Variants in CACNA1D observed in about 807,000 individuals in gnomAD.
The protein encoded by CACNA1D is calcium voltage-gated channel subunit alpha1 D.
CACNA1D carries 55 observed loss-of-function variants against 257.1 expected under a neutral mutation model. The ratio of observed to expected loss-of-function variants is 0.21; its 90% CI spans 0.17 to 0.27. CACNA1D has a LOEUF of 0.27. Among genes scored for constraint, CACNA1D ranks in the 10% least tolerant of loss-of-function variants. CACNA1D has a pLI of 1.00. For missense variants in CACNA1D, 1,876 were observed against 2,784.0 expected, an observed-to-expected ratio of 0.67 and a Z score of 7.34; for synonymous variants, 980 against 1,014.9, an observed-to-expected ratio of 0.97 and a Z score of 0.65.
At position 53,793,043 on chromosome 3, in the gene CACNA1D, C is replaced by G. The variant is rs1267203823; in HGVS notation, c.4923+6091C>G. On this transcript the variant is annotated intron_variant, in intron 40 of 47. Coordinates refer to ENST00000350061, the MANE Select transcript of CACNA1D (RefSeq NM_001128840.3). The surrounding 1 kb of genome is among the most constrained non-coding windows in gnomAD (Gnocchi z 4.1). ...GGGATGGGGTAGAAAGCCAGGAACA[C>G]TCCAGTGTGGCCAGGCCACTTGTCA... 6.6e-6 allele frequency among the ~76,000 whole-genome samples: 1 copy of G among 152,204 alleles called. No individual in the cohort carries two copies. The highest frequency in any genetic ancestry group is 1.5e-5 in the Non-Finnish European group (1 of 68,032).
intron 10 of CACNA1D, chr3:53,718,601 C>CCCCCCCCA (rs2108684193): frequency 1.7e-5 from 19 of 1,103,094 alleles, no homozygotes; most frequent in Non-Finnish European, 2.3e-5. Flanking sequence ...CCCCCCGGCC[C>CCCCCCCCA]AGCATTTCAC....
In CACNA1D at chr3:53,673,088, A is replaced by G; in HGVS notation, c.1182A>G (p.Ser394=). The change falls in exon 8 of 48, where the codon TCA becomes TCG. Residue 394 remains serine, a synonymous_variant. Transcript: ENST00000350061. The surrounding 1 kb of genome is among the most constrained non-coding windows in gnomAD (Gnocchi z 4.1). Reference sequence around the variant, plus strand: ...TTGTCAGTCTCGTCATCTTTGGGTCATTTTTCGTACTAAATCTTGTACTTG... The same window carrying G: ...TTGTCAGTCTCGTCATCTTTGGGTCGTTTTTCGTACTAAATCTTGTACTTG... ...VYFVSLVIFG[S]FFVLNLVLGV... 7 of 1,552,182 alleles carry G rather than the reference A, an allele frequency of 4.5e-6. No individual in the cohort carries two copies. The highest frequency in any genetic ancestry group is 6.1e-6 in the Non-Finnish European group (7 of 1,147,186).
chr3:53,729,602 A>G (rs1283391728), intron 15 of CACNA1D, among the ~76,000 whole-genome samples: 1 of 152,242 alleles, frequency 6.6e-6, no homozygotes, highest in Non-Finnish European at 1.5e-5. Flanking sequence ...TCTTGTTCAG[A>G]ATACTTGTTA....
In CACNA1D at chr3:53,769,966, C is replaced by A. The variant is rs747983837; in HGVS notation, c.3871-7C>A. ...TTAATCCATTTTCAATCTTTGATTT[C>A]TTAAAGCCAACTGAAAGTGAAAATG... On this transcript the variant is annotated splice_region_variant and splice_polypyrimidine_tract_variant and intron_variant, in intron 30 of 47. Transcript: ENST00000350061. 1.2e-6 allele frequency: 2 copies of A among 1,610,010 alleles called. No individual in the cohort carries two copies. The highest frequency in any genetic ancestry group is 1.7e-6 in the Non-Finnish European group (2 of 1,176,218).
intron 3 of CACNA1D, among the ~76,000 whole-genome samples, chr3:53,591,780 A>G (rs2107810109): frequency 6.6e-6 from 1 of 152,342 alleles, no homozygotes; most frequent in East Asian, 1.9e-4. Context: ...GGCCTTCAGG[A>G]AAAGCTTGTT....
At chr3:53,509,530 G>T (rs906732993) in intron 3 of CACNA1D, among the ~76,000 whole-genome samples, 1 of 152,178 alleles carries the variant, frequency 6.6e-6, no homozygotes, top group African/African-American at 2.4e-5. Context: ...GGTAGTTTTA[G>T]AAATCACAGG....
At chr3:53,615,461 A>T (rs1027192230) in intron 3 of CACNA1D, among the ~76,000 whole-genome samples, 2 of 152,222 alleles carry the variant, frequency 1.3e-5, no homozygotes, top group African/African-American at 4.8e-5. Flanking sequence ...GTTTGGTGAC[A>T]TAATGGGACC....
At chr3:53,787,130 T>A (rs1374072809) in intron 40 of CACNA1D, among the ~76,000 whole-genome samples, 178 bp downstream of exon 40, 1 of 151,990 alleles carries the variant, frequency 6.6e-6, no homozygotes, top group Non-Finnish European at 1.5e-5. Context: ...GGTAAGTGCT[T>A]CCCTCCCCGA....
chr3:53,651,361 A>ATTTTTTTTTT (rs1576235107), intron 4 of CACNA1D, among the ~76,000 whole-genome samples: 16 of 57,138 alleles, frequency 2.8e-4, no homozygotes, highest in African/African-American at 5.5e-4. Context: ...AAAGCTATTA[A>ATTTTTTTTTT]TTTTCTTTTT....
rs2093765601 is a variant in CACNA1D, at chr3:53,626,890, A to T, written c.484-23889A>T. Among the ~76,000 whole-genome samples, 3 of 152,176 alleles carry T rather than the reference A, an allele frequency of 2.0e-5. No homozygotes were observed. In the South Asian group the frequency reaches 6.2e-4, roughly 32 times the overall value. ...CAGTTAACGAAACGTCAGTGTTTTCATCTGATTTAAGACTCCTTCTTGCTC... is the reference window on the plus strand; with the variant it reads ...CAGTTAACGAAACGTCAGTGTTTTCTTCTGATTTAAGACTCCTTCTTGCTC... On this transcript the variant is annotated intron_variant, in intron 3 of 47. Transcript: ENST00000350061.
Position 53,673,058 on chromosome 3 carries a change from G to A in CACNA1D, c.1152G>A (p.Val384=). Residue 384 remains valine (V), a synonymous_variant, in exon 8 of 48, where the codon GTG becomes GTA. Coordinates refer to ENST00000350061, the MANE Select transcript of CACNA1D (RefSeq NM_001128840.3). The surrounding 1 kb of genome is among the most constrained non-coding windows in gnomAD (Gnocchi z 4.1). The part of the protein sequence containing the change: ...NDAMGFELPW[V]YFVSLVIFGS... ...CTATGGGATTTGAATTGCCCTGGGTGTATTTTGTCAGTCTCGTCATCTTTG... is the reference window on the plus strand; with the variant it reads ...CTATGGGATTTGAATTGCCCTGGGTATATTTTGTCAGTCTCGTCATCTTTG... 1.3e-6 allele frequency: 2 copies of A among 1,552,200 alleles called. No individual in the cohort carries two copies. Among genetic ancestry groups the A allele is most frequent in the South Asian group, 1.2e-5 (1 of 84,080 alleles).
rs574248949 is a variant in CACNA1D, at chr3:53,810,306, C to T, written c.6192+8C>T. 1.5e-5 allele frequency: 25 copies of T among 1,612,970 alleles called. No individual in the cohort carries two copies. The highest frequency in any genetic ancestry group is 1.6e-4 in the Middle Eastern group (1 of 6,062). On this transcript the variant is annotated splice_region_variant and intron_variant, in intron 47 of 47. Coordinates refer to ENST00000350061, the MANE Select transcript of CACNA1D (RefSeq NM_001128840.3). The stretch of plus-strand genomic sequence containing the variant: ...GACAGCTTGGTGGAGGCAGTGAGTA[C>T]GGTTCTTGGCCGTGGTGGGCAGGAA...
chr3:53,749,573 G>C (rs2095206356), intron 27 of CACNA1D, 104 bp downstream of exon 27: 13 of 806,604 alleles, frequency 1.6e-5, no homozygotes, highest in Admixed American at 3.7e-5. Flanking sequence ...CCCACATACT[G>C]TCTGTCCCTG....
chr3:53,744,259 C>A (rs1317639901), intron 22 of CACNA1D, among the ~76,000 whole-genome samples: 10 of 151,470 alleles, frequency 6.6e-5, no homozygotes, highest in African/African-American at 1.5e-4. Context: ...GGTTGTGCTC[C>A]CCTGGCTGAG....
intron 4 of CACNA1D, among the ~76,000 whole-genome samples, chr3:53,657,530 A>T (rs912031754): frequency 1.2e-4 from 18 of 152,218 alleles, no homozygotes; most frequent in Non-Finnish European, 2.2e-4. Flanking sequence ...AGTGTGTTTT[A>T]TTATAGATAA....
chr3:53,602,628 T>C (rs1414807893), intron 3 of CACNA1D, among the ~76,000 whole-genome samples: 2 of 152,244 alleles, frequency 1.3e-5, no homozygotes, highest in Non-Finnish European at 2.9e-5. Context: ...TTATTCCCTG[T>C]ATTTTTGATA....
Position 53,495,127 on chromosome 3 carries a change from A to C in CACNA1D, c.-40A>C. 1 of 1,454,690 alleles carries C rather than the reference A, an allele frequency of 6.9e-7. No homozygotes were observed. 90.1% of individuals were successfully genotyped at this position (1,454,690 alleles called of 1,614,324 possible). A position where few individuals can be genotyped will look rare whatever the true frequency, so the allele number is the denominator to read the frequency against. On this transcript the variant is annotated 5_prime_UTR_variant, in exon 1 of 48. Coordinates refer to ENST00000350061, the MANE Select transcript of CACNA1D (RefSeq NM_001128840.3). The surrounding 1 kb of genome is among the most constrained non-coding windows in gnomAD (Gnocchi z 5.1). ...CCGCCCCCGCCTCAACGCCCAGCAC[A>C]GTGCCCTGCACACAGTAGTCGCTCA...
chr3:53,536,578 G>A (rs1486130456), intron 3 of CACNA1D, among the ~76,000 whole-genome samples: 4 of 152,216 alleles, frequency 2.6e-5, no homozygotes, highest in Non-Finnish European at 4.4e-5. Flanking sequence ...TGGCAAACAC[G>A]GCCCCCGGGC....
At chr3:53,557,008 G>T (rs2107615839) in intron 3 of CACNA1D, among the ~76,000 whole-genome samples, 1 of 152,196 alleles carries the variant, frequency 6.6e-6, no homozygotes, top group Non-Finnish European at 1.5e-5. Context: ...GAGCCACCAT[G>T]CCCAGCTGTC....
Sources: allele counts gnomAD v4.1 joint callset (sites outside exome capture counted in the v4.1 genomes callset), GRCh38; gene constraint gnomAD v4.1.1; non-coding constraint Gnocchi (gnomAD v3.1); transcripts MANE v1.5; gene names NCBI Gene and HGNC (gene_info 2026-07-23, HGNC 2026-07-21).